CDS1: variants seen among roughly 807,000 people sequenced by gnomAD.
The protein encoded by CDS1 is CDP-diacylglycerol synthase 1.
CDS1 carries 41 observed loss-of-function variants against 62.1 expected under a neutral mutation model. The observed-to-expected ratio is 0.66, with a 90% CI of 0.51 to 0.86. The LOEUF is 0.86. CDS1 is among the 40% of genes least tolerant of loss of function. CDS1 has a pLI of 0.00. For synonymous variants in CDS1, 185 were observed against 192.6 expected (o/e 0.96, Z 0.32); for missense variants, 470 against 550.1 (o/e 0.85, Z 1.46).
chr4:84,584,955 T>C (rs1481901531), intron 1 of CDS1, among the ~76,000 whole-genome samples: 1 of 152,204 alleles, frequency 6.6e-6, no homozygotes, highest in African/African-American at 2.4e-5. Flanking sequence ...TTGTTTTGTT[T>C]TGTTTTTAGC....
intron 7 of CDS1, among the ~76,000 whole-genome samples, chr4:84,635,022 T>TAATATTTTTCTTAGC (rs1724133972): frequency 1.3e-5 from 2 of 151,624 alleles, no homozygotes; most frequent in South Asian, 4.2e-4. Context: ...ATCAATAATT[T>TAATATTTTTCTTAGC]AATATTTTCC....
chr4:84,615,535 A>G (rs1453621684), intron 3 of CDS1, among the ~76,000 whole-genome samples: 2 of 151,800 alleles, frequency 1.3e-5, no homozygotes, highest in African/African-American at 4.8e-5. Context: ...TTCCCTCTAC[A>G]GGTGGTGACT....
chr4:84,615,242 A>G (rs1723452076), intron 3 of CDS1, among the ~76,000 whole-genome samples: 1 of 151,332 alleles, frequency 6.6e-6, no homozygotes, highest in Non-Finnish European at 1.5e-5. Context: ...TCTACCCCCT[A>G]TACTTCTCTC....
intron 12 of CDS1, among the ~76,000 whole-genome samples, chr4:84,647,250 T>A (rs1724584250): frequency 6.6e-6 from 1 of 152,192 alleles, no homozygotes; most frequent in Non-Finnish European, 1.5e-5. Context: ...TGGGACTATT[T>A]AACTTATTTG....
chr4:84,621,263 C>A (rs1268353630), intron 5 of CDS1, among the ~76,000 whole-genome samples: 2 of 152,068 alleles, frequency 1.3e-5, no homozygotes, highest in South Asian at 2.1e-4. Context: ...AGGAGTTTCC[C>A]AATAAATGAA....
chr4:84,583,561 T>C, intron 1 of CDS1, 43 bp downstream of exon 1: 1 of 1,264,528 alleles, frequency 7.9e-7, no homozygotes, highest in South Asian at 1.5e-5. Flanking sequence ...CCTGGCTGGG[T>C]CCTGGTTGGA....
At chr4:84,589,780 G>T (rs1206657047) in intron 1 of CDS1, among the ~76,000 whole-genome samples, 2 of 152,104 alleles carry the variant, frequency 1.3e-5, no homozygotes, top group African/African-American at 4.8e-5. Flanking sequence ...ACGTATTTGA[G>T]AATTGGAAGT....
intron 1 of CDS1, among the ~76,000 whole-genome samples, chr4:84,589,432 A>G (rs1364556446): frequency 6.6e-6 from 1 of 152,192 alleles, no homozygotes; most frequent in Non-Finnish European, 1.5e-5. Flanking sequence ...GTCACCTGTA[A>G]GTGTAATGAA....
intron 3 of CDS1, 49 bp from the exon 4 acceptor site, chr4:84,617,515 C>A: frequency 1.1e-6 from 1 of 941,824 alleles, no homozygotes; most frequent in Non-Finnish European, 1.7e-6. Context: ...TGATTAAGCA[C>A]AAATGTAAAC....
At chr4:84,645,395 G>A in intron 12 of CDS1, 70 bp downstream of exon 12, 1 of 955,098 alleles carries the variant, frequency 1.0e-6, no homozygotes, top group Non-Finnish European at 1.7e-6. Context: ...ATTAGTTTGA[G>A]TAAGTTAACT....
chr4:84,646,736 T>C (rs1408713724), intron 12 of CDS1, among the ~76,000 whole-genome samples: 3 of 152,198 alleles, frequency 2.0e-5, no homozygotes, highest in Non-Finnish European at 4.4e-5. Flanking sequence ...AAAGGTGTAT[T>C]CTGTAGTTTT....
intron 3 of CDS1, among the ~76,000 whole-genome samples, chr4:84,611,517 A>G (rs906187169): frequency 6.6e-6 from 1 of 152,158 alleles, no homozygotes; most frequent in Non-Finnish European, 1.5e-5. Context: ...TTATAAAAGA[A>G]TAAGTTTTGA....
chr4:84,584,841 T>C (rs1304683036), intron 1 of CDS1, among the ~76,000 whole-genome samples: 2 of 152,208 alleles, frequency 1.3e-5, no homozygotes, highest in Non-Finnish European at 2.9e-5. Flanking sequence ...AATTTCCAGC[T>C]ACTGAAGGTT....
intron 1 of CDS1, 110 bp downstream of exon 1, chr4:84,583,628 C>A: frequency 1.6e-6 from 1 of 614,738 alleles, no homozygotes; most frequent in Non-Finnish European, 2.7e-6. Context: ...AGGCTGCACG[C>A]TGCCGGTGCA....
intron 1 of CDS1, among the ~76,000 whole-genome samples, chr4:84,598,705 T>C (rs1722831444): frequency 1.3e-5 from 2 of 152,290 alleles, no homozygotes; most frequent in Admixed American, 1.3e-4. Context: ...ACTTCGGGGC[T>C]CAAGAGGCCC....
At chr4:84,610,267 A>G (rs1210696349) in intron 3 of CDS1, among the ~76,000 whole-genome samples, 2 of 152,158 alleles carry the variant, frequency 1.3e-5, no homozygotes, top group East Asian at 3.9e-4. Flanking sequence ...CGAGTCCTGA[A>G]TACTGGACAG....
chr4:84,611,000 A>G (rs939032067), intron 3 of CDS1, among the ~76,000 whole-genome samples: 5 of 152,212 alleles, frequency 3.3e-5, no homozygotes, highest in African/African-American at 1.2e-4. Context: ...GAATAATACT[A>G]AGAGAGCAAA....
intron 5 of CDS1, among the ~76,000 whole-genome samples, chr4:84,623,962 G>A (rs980215274): frequency 1.3e-5 from 2 of 152,038 alleles, no homozygotes; most frequent in African/African-American, 2.4e-5. Context: ...GGAGCCAGGT[G>A]TTTCAAGAGG....
chr4:84,599,406 A>ATGTG (rs1722858592), intron 1 of CDS1, among the ~76,000 whole-genome samples: 61 of 6,030 alleles, frequency 0.01, no homozygotes, highest in African/African-American at 0.039. Flanking sequence ...ACACACACAC[A>ATGTG]TATATATATA....
Sources: gnomAD v4.1 joint callset for allele counts (sites outside exome capture counted in the v4.1 genomes callset) on GRCh38, gnomAD v4.1.1 for gene constraint, MANE v1.5 for transcripts, NCBI Gene and HGNC (gene_info 2026-07-23, HGNC 2026-07-21) for gene names.